STK3: variants seen among roughly 807,000 people sequenced by gnomAD.
STK3 encodes serine/threonine-protein kinase 3.
STK3 carries 41 observed loss-of-function variants against 58.0 expected under a neutral mutation model. The observed-to-expected ratio is 0.71, with a 90% confidence interval of 0.55 to 0.92. The LOEUF is 0.92. Among genes scored for constraint, STK3 ranks in the 40% least tolerant of loss-of-function variants. STK3 has a pLI of 0.00. For missense variants in STK3, 479 were observed against 602.7 expected (o/e 0.79, Z 2.15); for synonymous variants, 170 against 191.0 (o/e 0.89, Z 0.91).
At chr8:98,494,578 C>T (rs1184210225) in intron 10 of STK3, among the ~76,000 whole-genome samples, 1 of 145,868 alleles carries the variant, frequency 6.9e-6, no homozygotes, top group Non-Finnish European at 1.5e-5. Flanking sequence ...TCACTTAAGA[C>T]CAGGAGTTCA....
chr8:98,429,621 C>A, intron 3 of STK3: 1 of 537,330 alleles, frequency 1.9e-6, no homozygotes, highest in Non-Finnish European at 3.4e-6. Context: ...TGCACCTTTC[C>A]ATGAAATGAC....
chr8:98,627,963 G>T (rs1818862941), intron 6 of STK3, among the ~76,000 whole-genome samples: 1 of 152,152 alleles, frequency 6.6e-6, no homozygotes, highest in Admixed American at 6.5e-5. Flanking sequence ...AAATATATAA[G>T]ATAATTTGAT....
chr8:98,810,639 T>C (rs1486280153), intron 1 of STK3, among the ~76,000 whole-genome samples: 1 of 152,190 alleles, frequency 6.6e-6, no homozygotes, highest in Admixed American at 6.5e-5. Context: ...GAAAAGCTTT[T>C]AAAGAGAGAC....
intron 6 of STK3, among the ~76,000 whole-genome samples, chr8:98,628,825 A>C (rs1411826403): frequency 4.0e-4 from 61 of 150,884 alleles, no homozygotes; most frequent in African/African-American, 1.3e-3. Context: ...ACTCCAAAAA[A>C]AAAAAAAAAA....
chr8:98,849,185 C>T (rs1300146252), intron 3 of STK3, among the ~76,000 whole-genome samples: 3 of 144,840 alleles, frequency 2.1e-5, no homozygotes, highest in Non-Finnish European at 4.5e-5. Context: ...GAGATCACGC[C>T]ACTGCACTAC....
chr8:98,620,016 G>C (rs376396983), intron 6 of STK3, among the ~76,000 whole-genome samples: 197 of 103,208 alleles, frequency 1.9e-3, no homozygotes, highest in African/African-American at 3.4e-3. Flanking sequence ...CACATGCACA[G>C]GTATGTTTAT....
chr8:98,654,931 T>C (rs1821346812), intron 6 of STK3, among the ~76,000 whole-genome samples: 2 of 152,014 alleles, frequency 1.3e-5, no homozygotes, highest in African/African-American at 4.8e-5. Context: ...ATAGATTCAA[T>C]GCCATCCCCA....
chr8:98,807,358 A>T (rs1167276089), intron 1 of STK3, among the ~76,000 whole-genome samples: 1 of 151,896 alleles, frequency 6.6e-6, no homozygotes, highest in East Asian at 1.9e-4. Flanking sequence ...CTGAGTCCAA[A>T]CAATTCTTGT....
downstream of STK3, among the ~76,000 whole-genome samples, chr8:98,399,470 G>A (rs1021966454): frequency 2.6e-5 from 4 of 152,246 alleles, no homozygotes; most frequent in Admixed American, 6.5e-5. Context: ...CCACGGCAGG[G>A]AAGGAGACTG....
chr8:98,712,216 T>G (rs1388402352), intron 4 of STK3, among the ~76,000 whole-genome samples: 3 of 152,298 alleles, frequency 2.0e-5, no homozygotes, highest in East Asian at 1.9e-4. Context: ...AGGAAGAAAC[T>G]GTATCAACTA....
intron 8 of STK3, 47 bp from the exon 9 acceptor site, chr8:98,548,208 G>T: frequency 1.5e-6 from 2 of 1,344,598 alleles, no homozygotes; most frequent in South Asian, 2.2e-5. Context: ...TATGACAGCT[G>T]GATTTCTTAA....
chr8:98,751,959 A>T (rs1307184675), intron 3 of STK3, among the ~76,000 whole-genome samples: 1 of 152,188 alleles, frequency 6.6e-6, no homozygotes, highest in East Asian at 1.9e-4. Context: ...ATAATAAAAA[A>T]TAAAAAAATA....
At chr8:98,823,969 T>C (rs1451572108) in intron 1 of STK3, among the ~76,000 whole-genome samples, 3 of 152,238 alleles carry the variant, frequency 2.0e-5, no homozygotes, top group African/African-American at 4.8e-5. Context: ...ATTCCTGTCA[T>C]AGCCTTCCAT....
At chr8:98,448,405 G>A (rs928879888) in intron 1 of STK3, among the ~76,000 whole-genome samples, 7 of 152,096 alleles carry the variant, frequency 4.6e-5, no homozygotes, top group Non-Finnish European at 7.4e-5. Context: ...TCTGTTCCAA[G>A]TGCTATTACG....
intron 3 of STK3, among the ~76,000 whole-genome samples, chr8:98,401,816 C>G (rs1817946453): frequency 6.6e-6 from 1 of 152,152 alleles, no homozygotes; most frequent in South Asian, 2.1e-4. Flanking sequence ...TTCAGGTTCC[C>G]TCAAGTGCCT....
chr8:98,614,806 C>A (rs1817533587), intron 6 of STK3, among the ~76,000 whole-genome samples: 1 of 152,172 alleles, frequency 6.6e-6, no homozygotes, highest in Non-Finnish European at 1.5e-5. Context: ...TTGGAGGGTC[C>A]TACACCCACA....
At chr8:98,667,167 A>G (rs1299060712) in intron 6 of STK3, among the ~76,000 whole-genome samples, 1 of 152,184 alleles carries the variant, frequency 6.6e-6, no homozygotes, top group Admixed American at 6.5e-5. Context: ...ATTTTCATGC[A>G]AAACTTCCAA....
intron 3 of STK3, among the ~76,000 whole-genome samples, chr8:98,871,276 G>A (rs1402609255): frequency 2.0e-5 from 3 of 152,202 alleles, no homozygotes; most frequent in Non-Finnish European, 4.4e-5. Context: ...GTCAGGAAGT[G>A]TGATGCCTCC....
chr8:98,789,271 G>A (rs1036449444), intron 1 of STK3, among the ~76,000 whole-genome samples: 2 of 152,112 alleles, frequency 1.3e-5, no homozygotes, highest in African/African-American at 4.8e-5. Flanking sequence ...AGTGCTTAGA[G>A]GAAAGTTTAT....
Sources: gnomAD v4.1 joint callset for allele counts (sites outside exome capture counted in the v4.1 genomes callset) on GRCh38, gnomAD v4.1.1 for gene constraint, MANE v1.5 for transcripts, NCBI Gene and HGNC (gene_info 2026-07-23, HGNC 2026-07-21) for gene names.